Variants in INCENP observed in about 807,000 individuals in gnomAD.
INCENP encodes binds and activates aurora-B and -C in vivo and in vitro.
In INCENP, 43 loss-of-function variants were observed where a neutral mutation model predicts 107.3. That is an observed-to-expected ratio of 0.40 (90% CI 0.31 to 0.52). The LOEUF (loss-of-function observed/expected upper bound fraction) is 0.52, where lower values mean the gene tolerates loss of function less well. Ranked by LOEUF, INCENP falls within the 20% of genes least tolerant of loss-of-function variation. INCENP has a pLI of 0.53. For synonymous variants in INCENP, 488 were observed against 494.4 expected (o/e 0.99, Z 0.17); for missense variants, 1,089 against 1,250.9 (o/e 0.87, Z 1.95).
intron 15 of INCENP, among the ~76,000 whole-genome samples, chr11:62,148,009 A>G (rs1168867349): frequency 6.6e-6 from 1 of 152,182 alleles, no homozygotes; most frequent in Non-Finnish European, 1.5e-5. Context: ...AAACAGGTCC[A>G]GAGAGGTTAA....
rs752382818 is a variant in INCENP at position 62,130,049 on chromosome 11, T to C, written c.522T>C (p.Ser174=). The change falls in exon 4 of 19, where the codon AGT becomes AGC. Residue 174 remains serine (S), a synonymous_variant. Transcript: ENST00000394818. The part of the protein sequence containing the change: ...QLVPVVEIGI[S]ERQNAEQHVT... ...TGCCTGTGGTGGAGATCGGCATCAG[T>C]GAGCGCCAGAATGCTGAGCAGCATG... The C allele has an allele frequency of 6.2e-7, 1 of 1,613,826 alleles. No homozygotes were observed. The highest frequency in any genetic ancestry group is 2.2e-5 in the East Asian group (1 of 44,850).
Position 62,145,083 on chromosome 11 carries a change from G to A in INCENP, c.1707G>A (p.Glu569=), listed in dbSNP as rs147336690. ...VEEDKRRRLE[E]VKLKREERLR... ...AGGACAAGCGGCGGCGGCTGGAGGA[G>A]GTGAAGCTGTAAGTGGCCTGGCTTC... The change falls in exon 12 of 19, where the codon GAG becomes GAA. Residue 569 remains glutamate (E), a synonymous_variant. Transcript: ENST00000394818. 483 of 1,613,804 alleles carry A rather than the reference G, an allele frequency of 3.0e-4. No individual in the cohort carries two copies. Among genetic ancestry groups the A allele is most frequent in the African/African-American group, 6.1e-4 (46 of 75,054 alleles).
chr11:62,140,576 C>T (rs1257109597), intron 8 of INCENP, 128 bp from the exon 9 acceptor site: 2 of 797,756 alleles, frequency 2.5e-6, no homozygotes, highest in East Asian at 2.7e-5. Context: ...GTTGCTTAGG[C>T]TCTGCAGCCT....
chr11:62,150,289 T>A lies in INCENP; in HGVS notation c.2542+82T>A. The A allele has an allele frequency of 3.4e-6, 5 of 1,467,192 alleles. No homozygotes were observed. The South Asian group carries it at 4.8e-5, about 14-fold the overall frequency. 90.9% of individuals were successfully genotyped at this position (1,467,192 alleles called of 1,614,324 possible). Reference sequence around the variant, plus strand: ...AGGGCCCTGGAAGTAGTGGGTTGGCTGCTGCGGTGTTGGGAGGCTGCCGTG... The same window carrying A: ...AGGGCCCTGGAAGTAGTGGGTTGGCAGCTGCGGTGTTGGGAGGCTGCCGTG... On this transcript the variant is annotated intron_variant, in intron 18 of 18. Transcript: ENST00000394818.
intron 15 of INCENP, among the ~76,000 whole-genome samples, chr11:62,147,915 A>G (rs921084993): frequency 6.6e-6 from 1 of 152,202 alleles, no homozygotes; most frequent in Non-Finnish European, 1.5e-5. Flanking sequence ...CCCGAGCTGC[A>G]TGCTTTACAC....
intron 11 of INCENP, among the ~76,000 whole-genome samples, chr11:62,144,335 C>CAAAAAAAAAA (rs3972386): frequency 7.5e-6 from 1 of 133,870 alleles, no homozygotes; most frequent in African/African-American, 2.8e-5. Flanking sequence ...TGTCTCCACA[C>CAAAAAAAAAA]AAAAAAAAAA....
chr11:62,140,921 G>T lies in INCENP; in HGVS notation c.1470G>T (p.Arg490=). 6.2e-7 allele frequency: 1 copy of T among 1,614,162 alleles called. No homozygotes were observed. The highest frequency in any genetic ancestry group is 1.1e-5 in the South Asian group (1 of 91,090). ...CTGGTCCTCGTCTGCAGGTGGTACG[G>T]CCCCTCCGGACCTTTCTGCACACAG... ...SSPCPASKVV[R]PLRTFLHTVQ... is the part of the protein sequence containing the mutation. The change falls in exon 10 of 19, where the codon CGG becomes CGT. Residue 490 remains arginine (R), a synonymous_variant. Transcript: ENST00000394818.
At chr11:62,148,667 G>A in intron 16 of INCENP, 72 bp from the exon 17 acceptor site, 3 of 1,417,874 alleles carry the variant, frequency 2.1e-6, no homozygotes, top group Non-Finnish European at 2.9e-6. Flanking sequence ...GGAGAATGGA[G>A]CGGAGGGAAG....
At chr11:62,144,458 AT>A (rs984668971) in intron 11 of INCENP, among the ~76,000 whole-genome samples, 3 of 152,222 alleles carry the variant, frequency 2.0e-5, no homozygotes, top group Non-Finnish European at 2.9e-5. Context: ...ATTTCCTTTT[AT>A]TTTTTTCAAC....
intron 11 of INCENP, chr11:62,141,744 G>A: frequency 3.3e-6 from 2 of 614,380 alleles, no homozygotes; most frequent in South Asian, 1.9e-5. Flanking sequence ...TTAGGAGGAA[G>A]CAAGGGGGTG....
rs771725238 is a variant in INCENP at position 62,140,238 on chromosome 11, C to G, written c.1296C>G (p.Ala432=). The G allele has an allele frequency of 6.2e-7, 1 of 1,613,550 alleles. No individual in the cohort carries two copies. The highest frequency in any genetic ancestry group is 1.7e-5 in the Admixed American group (1 of 59,976). ...PETPSAGQQE[A]KTDQADGPRE... ...CTGAAATTGCTGTCTTCACAGAGGC[C>G]AAGACGGACCAAGCAGATGGACCCA... The change falls in exon 8 of 19, where the codon GCC becomes GCG. Residue 432 remains alanine, a synonymous_variant. Coordinates refer to ENST00000394818, the MANE Select transcript of INCENP (RefSeq NM_001040694.2).
intron 11 of INCENP, 44 bp from the exon 12 acceptor site, chr11:62,144,938 C>G: frequency 3.3e-6 from 5 of 1,533,716 alleles, no homozygotes; most frequent in Non-Finnish European, 4.4e-6. Flanking sequence ...GGTGGGGGGT[C>G]GTCCTTGCTC....
At position 62,138,976 on chromosome 11, in the gene INCENP, G is replaced by T; in HGVS notation, c.1262G>T (p.Ser421Ile). 9 of 1,613,952 alleles carry T rather than the reference G, an allele frequency of 5.6e-6. No homozygotes were observed. The highest frequency in any genetic ancestry group is 6.8e-6 in the Non-Finnish European group (8 of 1,179,882). ...CCCAACCCGAAGCCTGCAGCCAGCA[G>T]CCCGGAAACACCCTCTGCAGGGCAG... is the stretch of plus-strand genomic sequence containing the variant. ...STPNPKPAAS[S>I]PETPSAGQQE... The change falls in exon 7 of 19, where the codon AGC becomes ATC. Residue 421 changes from serine to isoleucine, a missense_variant. By Grantham distance (142) the Ser-to-Ile change is moderately radical. Coordinates refer to ENST00000394818, the MANE Select transcript of INCENP (RefSeq NM_001040694.2).
rs916536320 is a variant in INCENP, at chr11:62,152,794, G to A, written c.*818G>A. On this transcript the variant is annotated 3_prime_UTR_variant, in exon 19 of 19. Transcript: ENST00000394818. The stretch of plus-strand genomic sequence containing the variant: ...ACCTTGGGACCAGTGCTTGCAAGCA[G>A]CGAGATATTTCCCCAGCAAAACCAG... 3 of 152,248 alleles carry A rather than the reference G, an allele frequency of 2.0e-5. No individual in the cohort carries two copies. Among genetic ancestry groups the A allele is most frequent in the African/African-American group, 7.2e-5 (3 of 41,458 alleles). 9.4% of individuals were successfully genotyped at this position (152,248 alleles called of 1,614,324 possible). A position where few individuals can be genotyped will look rare whatever the true frequency, so the allele number is the denominator to read the frequency against.
intron 5 of INCENP, chr11:62,138,122 C>T (rs3741250): frequency 1.2e-5 from 7 of 583,384 alleles, no homozygotes; most frequent in East Asian, 8.6e-5. Context: ...GACCCTGGGG[C>T]GTGGGCTCCA....
intron 4 of INCENP, among the ~76,000 whole-genome samples, chr11:62,135,376 C>T (rs1215726049): frequency 6.6e-6 from 1 of 152,034 alleles, no homozygotes; most frequent in African/African-American, 2.4e-5. Flanking sequence ...AAGTGATTCT[C>T]TTGCCTCAGC....
intron 1 of INCENP, among the ~76,000 whole-genome samples, chr11:62,126,583 C>T (rs1312908450): frequency 6.6e-6 from 1 of 152,190 alleles, no homozygotes; most frequent in Admixed American, 6.5e-5. Flanking sequence ...CTTATGACCA[C>T]CACCCATTCA....
chr11:62,134,228 C>T (rs1943945208), intron 4 of INCENP, among the ~76,000 whole-genome samples: 1 of 152,058 alleles, frequency 6.6e-6, no homozygotes, highest in Non-Finnish European at 1.5e-5. Flanking sequence ...GCCTGGACAA[C>T]ATGGCCAGAC....
intron 17 of INCENP, 136 bp from the exon 18 acceptor site, chr11:62,149,919 CAA>C: frequency 1.2e-6 from 1 of 822,756 alleles, no homozygotes; most frequent in Non-Finnish European, 1.9e-6. Context: ...GATTCTGTCT[CAA>C]AAAAAAAGAA....
Sources: allele counts gnomAD v4.1 joint callset (sites outside exome capture counted in the v4.1 genomes callset), GRCh38; gene constraint gnomAD v4.1.1; transcripts MANE v1.5; gene names NCBI Gene and HGNC (gene_info 2026-07-23, HGNC 2026-07-21).